Variants in UBE2R2 observed in about 807,000 individuals in gnomAD.
UBE2R2 encodes the protein ubiquitin-conjugating enzyme E2 R2.
In UBE2R2, 1 loss-of-function variant was observed where a neutral mutation model predicts 27.8. That is an observed-to-expected ratio of 0.04 (90% confidence interval 0.01 to 0.17). UBE2R2 has a LOEUF of 0.17. Ranked by LOEUF, UBE2R2 falls within the 10% of genes least tolerant of loss-of-function variation. The pLI is 1.00. For synonymous variants in UBE2R2, 106 were observed against 113.3 expected, an observed-to-expected ratio of 0.94 and a Z score of 0.41; for missense variants, 100 against 291.0, an observed-to-expected ratio of 0.34 and a Z score of 4.78.
chr9:33,885,672 A>G (rs1821838584), intron 1 of UBE2R2, among the ~76,000 whole-genome samples: 1 of 152,246 alleles, frequency 6.6e-6, no homozygotes, highest in African/African-American at 2.4e-5. Flanking sequence ...GATTAGGGTA[A>G]GTTAAAATCA....
chr9:33,901,912 CT>C (rs529372244), intron 3 of UBE2R2, among the ~76,000 whole-genome samples: 519 of 132,224 alleles, frequency 3.9e-3, no homozygotes, highest in African/African-American at 4.2e-3. Context: ...TCTCATATTT[CT>C]TTTTTTTTTT....
At chr9:33,820,710 T>A (rs940138011) in intron 1 of UBE2R2, among the ~76,000 whole-genome samples, 2 of 152,250 alleles carry the variant, frequency 1.3e-5, no homozygotes, top group African/African-American at 4.8e-5. Flanking sequence ...TTTCCCTTTT[T>A]GGCATAGTCA....
intron 2 of UBE2R2, among the ~76,000 whole-genome samples, chr9:33,895,734 C>A (rs1587475076): frequency 6.6e-6 from 1 of 150,568 alleles, no homozygotes; most frequent in African/African-American, 2.4e-5. Flanking sequence ...CAAGTCTTTT[C>A]CCTTCCATGA....
intron 1 of UBE2R2, among the ~76,000 whole-genome samples, chr9:33,885,251 A>G (rs1249787846): frequency 1.3e-5 from 2 of 152,144 alleles, no homozygotes; most frequent in South Asian, 4.1e-4. Context: ...AGCTCTACAC[A>G]TTGTCATGGT....
chr9:33,823,809 C>T (rs370844868), intron 1 of UBE2R2, among the ~76,000 whole-genome samples: 5 of 152,112 alleles, frequency 3.3e-5, no homozygotes, highest in East Asian at 3.8e-4. Context: ...GGTTTACTGC[C>T]GATGAGCTAA....
At chr9:33,866,500 A>C (rs544448088) in intron 1 of UBE2R2, among the ~76,000 whole-genome samples, 1 of 152,156 alleles carries the variant, frequency 6.6e-6, no homozygotes, top group Admixed American at 6.6e-5. Context: ...AGGCTTCCCA[A>C]AGTACTGGGA....
At chr9:33,869,079 G>A (rs1040256843) in intron 1 of UBE2R2, among the ~76,000 whole-genome samples, 2 of 152,082 alleles carry the variant, frequency 1.3e-5, no homozygotes, top group Admixed American at 1.3e-4. Context: ...ACCAGCCTGG[G>A]CAATATGGCA....
At chr9:33,840,801 A>G (rs1232829700) in intron 1 of UBE2R2, among the ~76,000 whole-genome samples, 2 of 152,160 alleles carry the variant, frequency 1.3e-5, no homozygotes, top group East Asian at 3.8e-4. Flanking sequence ...TCAGTTATCC[A>G]GTGGCACAGT....
At position 33,847,258 on chromosome 9, in the gene UBE2R2, G is replaced by A. The variant is rs373453104; in HGVS notation, c.177+29324G>A. Among the ~76,000 whole-genome samples the A allele has an allele frequency of 1.1e-4, 16 of 151,936 alleles. No homozygotes were observed. The East Asian group carries it at 3.1e-3, about 29-fold the overall frequency. On this transcript the variant is annotated intron_variant, in intron 1 of 4. Transcript: ENST00000263228. ...ATTACAGGCATGCGCCACCATGCCC[G>A]GCTAATTTTTGTATTTTTAGTGGAG...
chr9:33,846,776 T>C (rs572651315), intron 1 of UBE2R2, among the ~76,000 whole-genome samples: 1 of 152,332 alleles, frequency 6.6e-6, no homozygotes, highest in Admixed American at 6.5e-5. Flanking sequence ...AATAAAACTT[T>C]ATTTATTGAG....
intron 1 of UBE2R2, among the ~76,000 whole-genome samples, chr9:33,828,636 A>G (rs571327459): frequency 3.9e-5 from 6 of 152,028 alleles, no homozygotes; most frequent in African/African-American, 1.2e-4. Context: ...AGCTCGGCTC[A>G]CTGCAATCTC....
intron 3 of UBE2R2, among the ~76,000 whole-genome samples, chr9:33,905,270 G>C (rs1284369296): frequency 1.3e-5 from 2 of 152,156 alleles, no homozygotes; most frequent in Non-Finnish European, 2.9e-5. Flanking sequence ...TCTCAGAAGT[G>C]GGGTAGGATA....
At chr9:33,853,996 C>G (rs1016634001) in intron 1 of UBE2R2, among the ~76,000 whole-genome samples, 8 of 152,142 alleles carry the variant, frequency 5.3e-5, no homozygotes, top group African/African-American at 1.9e-4. Flanking sequence ...GCACCCGTCC[C>G]CTAATGGTGT....
intron 1 of UBE2R2, among the ~76,000 whole-genome samples, chr9:33,883,515 G>A (rs908153791): frequency 1.3e-5 from 2 of 151,030 alleles, no homozygotes; most frequent in Non-Finnish European, 3.0e-5. Context: ...AGAGATCAAC[G>A]CCATCCTGGC....
chr9:33,826,179 G>C (rs1820312055), intron 1 of UBE2R2, among the ~76,000 whole-genome samples: 1 of 151,596 alleles, frequency 6.6e-6, no homozygotes, highest in South Asian at 2.1e-4. Flanking sequence ...AGAGATTCCT[G>C]AGTAAAATTT....
chr9:33,847,049 GT>G (rs1359812516), intron 1 of UBE2R2, among the ~76,000 whole-genome samples: 3 of 148,676 alleles, frequency 2.0e-5, no homozygotes, highest in Non-Finnish European at 4.5e-5. Flanking sequence ...TATAGGCTGG[GT>G]TTTTTTCCCC....
intron 1 of UBE2R2, among the ~76,000 whole-genome samples, chr9:33,827,068 C>T (rs1820330537): frequency 6.6e-6 from 1 of 152,180 alleles, no homozygotes; most frequent in African/African-American, 2.4e-5. Context: ...CGCCACTGCG[C>T]TCCAGCCTGG....
intron 1 of UBE2R2, among the ~76,000 whole-genome samples, chr9:33,867,689 C>T (rs540089304): frequency 6.6e-6 from 1 of 152,290 alleles, no homozygotes; most frequent in African/African-American, 2.4e-5. Context: ...TTGTGAAATG[C>T]CTGTTCAAGT....
chr9:33,824,450 CGTG>C (rs921637564), intron 1 of UBE2R2, among the ~76,000 whole-genome samples: 3 of 151,974 alleles, frequency 2.0e-5, no homozygotes, highest in African/African-American at 4.8e-5. Flanking sequence ...TCCTGGCTAA[CGTG>C]GTGAAACCCC....
Sources: allele counts gnomAD v4.1 joint callset (sites outside exome capture counted in the v4.1 genomes callset), GRCh38; gene constraint gnomAD v4.1.1; transcripts MANE v1.5; gene names NCBI Gene and HGNC (gene_info 2026-07-23, HGNC 2026-07-21).